The following SH3GL3 variants were observed in gnomAD, a reference collection of about 807,000 sequenced individuals.
SH3GL3 encodes endophilin-A3.
SH3GL3 carries 33 observed loss-of-function variants against 47.7 expected under a neutral mutation model. The observed-to-expected ratio is 0.69, with a 90% confidence interval of 0.52 to 0.92. The LOEUF (loss-of-function observed/expected upper bound fraction) is 0.92, where lower values mean the gene tolerates loss of function less well. Ranked by LOEUF, SH3GL3 falls within the 40% of genes least tolerant of loss-of-function variation. The pLI is 0.00. For missense variants in SH3GL3, 363 were observed against 417.8 expected (o/e 0.87, Z 1.14); for synonymous variants, 155 against 148.8 (o/e 1.04, Z -0.30).
At chr15:83,586,462 G>A (rs146026430) in intron 6 of SH3GL3, among the ~76,000 whole-genome samples, 72 of 152,264 alleles carry the variant, frequency 4.7e-4, no homozygotes, top group African/African-American at 1.7e-3. Context: ...ACGCATAGAG[G>A]GGACAGGGAA....
At chr15:83,482,655 G>A (rs982342611) in intron 1 of SH3GL3, among the ~76,000 whole-genome samples, 9 of 151,830 alleles carry the variant, frequency 5.9e-5, no homozygotes, top group East Asian at 3.9e-4. Flanking sequence ...CACCACACCC[G>A]GCTAACTTTT....
intron 1 of SH3GL3, among the ~76,000 whole-genome samples, chr15:83,480,392 G>A (rs1167030777): frequency 6.6e-6 from 1 of 152,210 alleles, no homozygotes; most frequent in Non-Finnish European, 1.5e-5. Flanking sequence ...CACAGTTTAT[G>A]AAGAAGATGC....
At chr15:83,501,906 A>G (rs919659049) in intron 1 of SH3GL3, among the ~76,000 whole-genome samples, 1 of 152,178 alleles carries the variant, frequency 6.6e-6, no homozygotes, top group Non-Finnish European at 1.5e-5. Context: ...AAAGAAAAGA[A>G]AAAAAAGACT....
intron 1 of SH3GL3, among the ~76,000 whole-genome samples, chr15:83,466,413 A>AATATATATATATAT (rs58728071): frequency 3.7e-4 from 56 of 149,702 alleles, no homozygotes; most frequent in South Asian, 1.5e-3. Flanking sequence ...CAATTGTTAG[A>AATATATATATATAT]ATATATATAT....
intron 1 of SH3GL3, among the ~76,000 whole-genome samples, chr15:83,457,490 C>A (rs1178200089): frequency 6.6e-6 from 1 of 152,160 alleles, no homozygotes; most frequent in Non-Finnish European, 1.5e-5. Flanking sequence ...TCATGAGGGG[C>A]CTGGACGTAT....
chr15:83,586,039 T>C (rs1242863349), intron 6 of SH3GL3, among the ~76,000 whole-genome samples: 2 of 152,222 alleles, frequency 1.3e-5, no homozygotes, highest in Non-Finnish European at 2.9e-5. Context: ...AAATGATGCA[T>C]AGGCTTTGGG....
At chr15:83,531,396 A>G (rs182647956) in intron 1 of SH3GL3, among the ~76,000 whole-genome samples, 1 of 152,332 alleles carries the variant, frequency 6.6e-6, no homozygotes, top group East Asian at 1.9e-4. Context: ...GGAGTTAGCT[A>G]TATGGAAAAA....
intron 1 of SH3GL3, among the ~76,000 whole-genome samples, chr15:83,475,127 T>A (rs1438554512): frequency 6.6e-6 from 1 of 151,232 alleles, no homozygotes; most frequent in East Asian, 1.9e-4. Context: ...TTAATAAATT[T>A]TATATAAATA....
At chr15:83,458,528 T>G (rs553130386) in intron 1 of SH3GL3, among the ~76,000 whole-genome samples, 1 of 152,330 alleles carries the variant, frequency 6.6e-6, no homozygotes, top group South Asian at 2.1e-4. Flanking sequence ...GCTGCTGATA[T>G]TTCAGGCTGG....
intron 1 of SH3GL3, among the ~76,000 whole-genome samples, chr15:83,456,094 G>T (rs1381722098): frequency 1.1e-5 from 1 of 91,728 alleles, no homozygotes; most frequent in Non-Finnish European, 2.3e-5. Flanking sequence ...TGCCCCTGAT[G>T]GGGGGTGCCT....
At chr15:83,584,094 A>G (rs2059901466) in intron 6 of SH3GL3, among the ~76,000 whole-genome samples, 1 of 152,202 alleles carries the variant, frequency 6.6e-6, no homozygotes, top group Non-Finnish European at 1.5e-5. Flanking sequence ...AGGTGTGGGT[A>G]GGGCCATGTT....
At chr15:83,544,309 G>C (rs567781765) in intron 1 of SH3GL3, among the ~76,000 whole-genome samples, 1 of 151,964 alleles carries the variant, frequency 6.6e-6, no homozygotes, top group Non-Finnish European at 1.5e-5. Flanking sequence ...TCATGTGTTC[G>C]TATAGTTTTT....
intron 1 of SH3GL3, among the ~76,000 whole-genome samples, chr15:83,530,503 A>G (rs2043619982): frequency 6.6e-6 from 1 of 151,900 alleles, no homozygotes; most frequent in South Asian, 2.1e-4. Context: ...TAGATGTTCT[A>G]TTTGAAATGT....
At chr15:83,611,210 T>A (rs1240500442) in intron 8 of SH3GL3, among the ~76,000 whole-genome samples, 1 of 151,840 alleles carries the variant, frequency 6.6e-6, no homozygotes, top group African/African-American at 2.4e-5. Flanking sequence ...GATACAGTAC[T>A]TACTGACCAG....
At chr15:83,628,399 A>T in the SH3GL3 span, among the ~76,000 whole-genome samples, 1 of 152,228 alleles carries the variant, frequency 6.6e-6, no homozygotes, top group Non-Finnish European at 1.5e-5. Context: ...TTTTAAGTTT[A>T]CATCAATGTG....
chr15:83,487,808 A>T (rs1326286676), intron 1 of SH3GL3, among the ~76,000 whole-genome samples: 24 of 150,254 alleles, frequency 1.6e-4, no homozygotes, highest in Non-Finnish European at 1.5e-5. Flanking sequence ...TTTGGCTGAC[A>T]TAGTTTTTCT....
At chr15:83,471,678 A>G (rs1300175765) in intron 1 of SH3GL3, among the ~76,000 whole-genome samples, 1 of 152,200 alleles carries the variant, frequency 6.6e-6, no homozygotes, top group Non-Finnish European at 1.5e-5. Flanking sequence ...TGCCTGATTC[A>G]TGAATTGCCC....
At chr15:83,481,434 C>T (rs1008006089) in intron 1 of SH3GL3, among the ~76,000 whole-genome samples, 1 of 152,146 alleles carries the variant, frequency 6.6e-6, no homozygotes, top group African/African-American at 2.4e-5. Flanking sequence ...AATTTGTCAG[C>T]TTTGTTTTAT....
intron 1 of SH3GL3, among the ~76,000 whole-genome samples, chr15:83,534,869 A>G (rs929327324): frequency 2.0e-5 from 3 of 152,088 alleles, no homozygotes; most frequent in African/African-American, 7.2e-5. Context: ...TTCTCTGGGG[A>G]TGGTTGCAGA....
Sources: gnomAD v4.1 joint callset for allele counts (sites outside exome capture counted in the v4.1 genomes callset) on GRCh38, gnomAD v4.1.1 for gene constraint, MANE v1.5 for transcripts, NCBI Gene and HGNC (gene_info 2026-07-23, HGNC 2026-07-21) for gene names.